The following CAPN2 variants were observed in gnomAD, a reference collection of about 807,000 sequenced individuals.
CAPN2 encodes calpain-2 catalytic subunit.
CAPN2 carries 92 observed loss-of-function variants against 102.3 expected under a neutral mutation model. The observed-to-expected ratio is 0.90, with a 90% CI of 0.76 to 1.07. The LOEUF (loss-of-function observed/expected upper bound fraction) is 1.07, where lower values mean the gene tolerates loss of function less well. Among genes scored for constraint, CAPN2 ranks in the 50% least tolerant of loss-of-function variants. The pLI is 0.00. For synonymous variants in CAPN2, 340 were observed against 355.4 expected (o/e 0.96, Z 0.49); for missense variants, 800 against 909.4 (o/e 0.88, Z 1.55).
chr1:223,765,106 G>A (rs1291393122), intron 15 of CAPN2, among the ~76,000 whole-genome samples: 1 of 152,246 alleles, frequency 6.6e-6, no homozygotes, highest in Non-Finnish European at 1.5e-5. Flanking sequence ...ATCTGCATCA[G>A]AGACAAATGC....
chr1:223,710,050 G>A (rs746699762), upstream of CAPN2, among the ~76,000 whole-genome samples: 22 of 151,896 alleles, frequency 1.4e-4, no homozygotes, highest in East Asian at 3.9e-4. Flanking sequence ...TGAGGCAGGC[G>A]GATCACCTGA....
At chr1:223,762,347 A>G (rs1661209767) in intron 14 of CAPN2, 96 bp downstream of exon 14, 1 of 966,472 alleles carries the variant, frequency 1.0e-6, no homozygotes. Flanking sequence ...AGGGGAGAGG[A>G]AACAAACTGA....
chr1:223,759,472 CTGA>C lies in CAPN2; in HGVS notation c.1521_1523del (p.Asp508del). The C allele has an allele frequency of 6.2e-7, 1 of 1,613,870 alleles. No individual in the cohort carries two copies. The highest frequency in any genetic ancestry group is 8.5e-7 in the Non-Finnish European group (1 of 1,179,958). On this transcript the variant is annotated inframe_deletion, in exon 12 of 21. Coordinates refer to ENST00000295006, the MANE Select transcript of CAPN2 (RefSeq NM_001748.5). The surrounding 1 kb of genome is among the most constrained non-coding windows in gnomAD (Gnocchi z 4.6). ...ATCCGGGTCTTTTCTGAAAAGAAAG[CTGA>C]CTACCAGTAGGCGGTTTGGTCCCTT...
At chr1:223,733,070 T>G (rs561568079) in intron 2 of CAPN2, among the ~76,000 whole-genome samples, 198 of 152,272 alleles carry the variant, frequency 1.3e-3, no homozygotes, top group African/African-American at 4.4e-3. Flanking sequence ...GTGCAGGCAC[T>G]GGGTGTAACT....
At chr1:223,709,975 A>AGGTGGTGG (rs1659696325), upstream of CAPN2, among the ~76,000 whole-genome samples, 1 of 152,084 alleles carries the variant, frequency 6.6e-6, no homozygotes, top group South Asian at 2.1e-4. Flanking sequence ...TTATAAAATA[A>AGGTGGTGG]CTCAAAAACA....
At chr1:223,732,058 G>A (rs1054097451) in intron 2 of CAPN2, among the ~76,000 whole-genome samples, 4 of 152,192 alleles carry the variant, frequency 2.6e-5, no homozygotes, top group African/African-American at 7.2e-5. Context: ...TGGAAACTGG[G>A]GAGTTGTAAG....
chr1:223,770,120 C>T (rs1661434016), intron 17 of CAPN2: 1 of 595,646 alleles, frequency 1.7e-6, no homozygotes, highest in Admixed American at 2.9e-5. Flanking sequence ...CTATTCCCTT[C>T]CTCCTGATTA....
chr1:223,732,106 T>C (rs2404288), intron 2 of CAPN2, among the ~76,000 whole-genome samples: 150,685 of 152,178 alleles, frequency 0.99, 74,617 homozygotes, highest in East Asian at 1. Flanking sequence ...TAAGCAGGTG[T>C]GGGGTCACGG....
chr1:223,723,731 C>T (rs1212052325), intron 2 of CAPN2, among the ~76,000 whole-genome samples: 1 of 151,894 alleles, frequency 6.6e-6, no homozygotes, highest in Non-Finnish European at 1.5e-5. Flanking sequence ...CCCTGTCCCA[C>T]CCTGGCTGCC....
At chr1:223,753,967 G>A (rs897307187) in intron 9 of CAPN2, among the ~76,000 whole-genome samples, 4 of 152,184 alleles carry the variant, frequency 2.6e-5, no homozygotes, top group Non-Finnish European at 5.9e-5. Flanking sequence ...TATTCAGCCT[G>A]CATAACATTC....
rs532051566 is a variant in CAPN2 at position 223,759,047 on chromosome 1, T to A, written c.1318-223T>A. The A allele has an allele frequency of 1.8e-4, 103 of 572,796 alleles. No individual in the cohort carries two copies. The highest frequency in any genetic ancestry group is 7.1e-4 in the South Asian group (35 of 48,984). The allele number at this position is 572,796 out of a possible 1,614,324, so 35.5% of individuals were successfully genotyped here. On this transcript the variant is annotated intron_variant, in intron 11 of 20. Transcript: ENST00000295006. The surrounding 1 kb of genome is among the most constrained non-coding windows in gnomAD (Gnocchi z 4.6). ...CATTGTCACTGTACTGCTATTTTTT[T>A]AAAAAAATTTTGTTGTTTTGTTGTT...
Position 223,719,831 on chromosome 1 carries a change from T to TGTGTGTGTGTGTGCGC in CAPN2, c.307+2001_307+2002insTGTGTGTGTGTGCGCG, listed in dbSNP as rs1491465648. Among the ~76,000 whole-genome samples the TGTGTGTGTGTGTGCGC allele has an allele frequency of 4.1e-5, 4 of 96,790 alleles. 1 individual carries two copies. In the South Asian group the frequency reaches 1.4e-3, roughly 34 times the overall value. The allele number at this position is 96,790 out of a possible 152,430, so 63.5% of individuals were successfully genotyped here. On this transcript the variant is annotated intron_variant, in intron 2 of 20. Coordinates refer to ENST00000295006, the MANE Select transcript of CAPN2 (RefSeq NM_001748.5). ...GTGTGTGTGTGTGTGTGTGTGTGTGTGCGCGCGCGCGCGTATAATGCAGTA... is the reference window on the plus strand; with the variant it reads ...GTGTGTGTGTGTGTGTGTGTGTGTGTGTGTGTGTGTGTGCGCGCGCGCGCGCGCGTATAATGCAGTA...
At chr1:223,768,794 C>T (rs964464714) in intron 16 of CAPN2, among the ~76,000 whole-genome samples, 1 of 151,404 alleles carries the variant, frequency 6.6e-6, no homozygotes, top group African/African-American at 2.4e-5. Context: ...GCCATTTTCA[C>T]AATATTGATT....
intron 8 of CAPN2, 98 bp from the exon 9 acceptor site, chr1:223,752,698 C>A: frequency 3.4e-6 from 4 of 1,169,398 alleles, no homozygotes; most frequent in Non-Finnish European, 5.0e-6. Context: ...AGCTGCTCTG[C>A]CTGGCTTTGG....
intron 17 of CAPN2, 32 bp downstream of exon 17, chr1:223,769,941 T>C (rs370671262): frequency 1.3e-6 from 2 of 1,502,022 alleles, no homozygotes; most frequent in Admixed American, 3.7e-5. Flanking sequence ...TGGATCTGTG[T>C]TGGGAAACAT....
At position 223,727,228 on chromosome 1, in the gene CAPN2, A is replaced by C. The variant is rs1660217916; in HGVS notation, c.307+9397A>C. Among the ~76,000 whole-genome samples, 1 of 152,254 alleles carries C rather than the reference A, an allele frequency of 6.6e-6. No homozygotes were observed. Among genetic ancestry groups the C allele is most frequent in the Non-Finnish European group, 1.5e-5 (1 of 68,054 alleles). On this transcript the variant is annotated intron_variant, in intron 2 of 20. Coordinates refer to ENST00000295006, the MANE Select transcript of CAPN2 (RefSeq NM_001748.5). The surrounding 1 kb of genome is among the most constrained non-coding windows in gnomAD (Gnocchi z 4.1). Reference sequence around the variant, plus strand: ...TCTAGCTGTCAGCATGCAAAACAAAAGAACAAAAGGTCTAAAGAAATATAA... The same window carrying C: ...TCTAGCTGTCAGCATGCAAAACAAACGAACAAAAGGTCTAAAGAAATATAA...
chr1:223,702,398 G>T (rs1302438028), intron 1 of CAPN2, among the ~76,000 whole-genome samples: 1 of 151,876 alleles, frequency 6.6e-6, no homozygotes, highest in Non-Finnish European at 1.5e-5. Flanking sequence ...CTGCACTCCA[G>T]CCTGGTTGAC....
chr1:223,772,457 CCTCTT>C, intron 20 of CAPN2: 1 of 524,390 alleles, frequency 1.9e-6, no homozygotes, highest in African/African-American at 1.9e-5. Context: ...CGCCTGGCTC[CCTCTT>C]CTCATGAGCT....
Position 223,744,871 on chromosome 1 carries a change from G to A in CAPN2, c.427-435G>A, listed in dbSNP as rs1331594991. Among the ~76,000 whole-genome samples, 5 of 145,534 alleles carry A rather than the reference G, an allele frequency of 3.4e-5. No homozygotes were observed. In the East Asian group the frequency reaches 9.9e-4, roughly 29 times the overall value. On this transcript the variant is annotated intron_variant, in intron 3 of 20. Coordinates refer to ENST00000295006, the MANE Select transcript of CAPN2 (RefSeq NM_001748.5). ...AGCTGGGGCAACATGCTGAAACTCC[G>A]TCTCTACTAAAAACACAAAAAAAAT...
Sources: allele counts gnomAD v4.1 joint callset (sites outside exome capture counted in the v4.1 genomes callset), GRCh38; gene constraint gnomAD v4.1.1; non-coding constraint Gnocchi (gnomAD v3.1); transcripts MANE v1.5; gene names NCBI Gene and HGNC (gene_info 2026-07-23, HGNC 2026-07-21).